The following BMPER variants were observed in gnomAD, a reference collection of about 807,000 sequenced individuals.
BMPER encodes BMP binding endothelial regulator.
A neutral mutation model predicts 87.3 loss-of-function variants in BMPER; 45 were observed. That is an observed-to-expected ratio of 0.52 (90% CI 0.41 to 0.66). The LOEUF is 0.66. Ranked by LOEUF, BMPER falls within the 30% of genes least tolerant of loss-of-function variation. The probability of loss-of-function intolerance (pLI) is 0.00; values close to 1 mark genes in which losing one functional copy is unlikely to be tolerated. For missense variants in BMPER, 784 were observed against 867.5 expected (o/e 0.90, Z 1.21); for synonymous variants, 326 against 316.2 (o/e 1.03, Z -0.33).
intron 13 of BMPER, among the ~76,000 whole-genome samples, chr7:34,111,804 C>G (rs986802918): frequency 6.6e-6 from 1 of 152,154 alleles, no homozygotes; most frequent in Non-Finnish European, 1.5e-5. Context: ...ACCTCTGCCC[C>G]CCAGGTTCAA....
intron 13 of BMPER, among the ~76,000 whole-genome samples, chr7:34,090,499 G>GC (rs1789350654): frequency 6.6e-6 from 1 of 152,142 alleles, no homozygotes; most frequent in Admixed American, 6.6e-5. Flanking sequence ...ATCCTTAGCA[G>GC]CCAGTATCAA....
At chr7:33,984,001 T>C (rs186196179) in intron 6 of BMPER, among the ~76,000 whole-genome samples, 5 of 152,282 alleles carry the variant, frequency 3.3e-5, no homozygotes, top group Non-Finnish European at 5.9e-5. Context: ...TTTGTCTCCA[T>C]AATGCCAGTG....
At chr7:33,987,462 G>A (rs1375860049) in intron 6 of BMPER, among the ~76,000 whole-genome samples, 2 of 152,178 alleles carry the variant, frequency 1.3e-5, no homozygotes, top group Non-Finnish European at 2.9e-5. Flanking sequence ...CCTACACTGA[G>A]TCATACGCAG....
intron 13 of BMPER, among the ~76,000 whole-genome samples, chr7:34,120,363 A>C (rs757687775): frequency 6.6e-6 from 1 of 151,846 alleles, no homozygotes; most frequent in Non-Finnish European, 1.5e-5. Flanking sequence ...AAAGCAAAAA[A>C]AAATACAATG....
chr7:34,123,887 TA>T (rs1236529823), intron 13 of BMPER, among the ~76,000 whole-genome samples: 1 of 152,232 alleles, frequency 6.6e-6, no homozygotes, highest in African/African-American at 2.4e-5. Flanking sequence ...GGGTTGAGAC[TA>T]TATCTTTTAA....
At chr7:34,130,186 GTCTCTCTCTCTCTC>G (rs10583920) in intron 13 of BMPER, among the ~76,000 whole-genome samples, 1 of 149,256 alleles carries the variant, frequency 6.7e-6, no homozygotes, top group Non-Finnish European at 1.5e-5. Context: ...TCTTGATTCT[GTCTCTCTCTCTCTC>G]TCTCTCTCTC....
chr7:34,143,446 G>A (rs1176707124), intron 14 of BMPER, 86 bp downstream of exon 14: 4 of 1,574,932 alleles, frequency 2.5e-6, no homozygotes, highest in African/African-American at 1.3e-5. Context: ...ATGCTGACAT[G>A]AGTGGCCACA....
At chr7:34,093,802 A>G (rs1205675358) in intron 13 of BMPER, among the ~76,000 whole-genome samples, 3 of 152,078 alleles carry the variant, frequency 2.0e-5, no homozygotes, top group African/African-American at 7.2e-5. Context: ...TAAAACACTA[A>G]TTATTTTGTA....
In BMPER at chr7:34,151,362, C is replaced by G. The variant is rs191786057; in HGVS notation, c.1877-1730C>G. On this transcript the variant is annotated intron_variant, in intron 14 of 14. Coordinates refer to ENST00000649409, the MANE Select transcript of BMPER (RefSeq NM_001365308.1). ...GTGAGGGACCACACAAAACTCCACC[C>G]TCAAGGAGCTTACATTTTAGTGTTG... 1.3e-4 allele frequency among the ~76,000 whole-genome samples: 20 copies of G among 152,300 alleles called. No individual in the cohort carries two copies. In the East Asian group the frequency reaches 3.3e-3, roughly 25 times the overall value.
chr7:33,936,871 G>A (rs1166207225), intron 2 of BMPER, among the ~76,000 whole-genome samples: 1 of 152,156 alleles, frequency 6.6e-6, no homozygotes, highest in African/African-American at 2.4e-5. Flanking sequence ...AAGGATTGTT[G>A]GACGGCCATG....
intron 14 of BMPER, among the ~76,000 whole-genome samples, chr7:34,149,366 A>C (rs1241781528): frequency 6.6e-6 from 1 of 152,222 alleles, no homozygotes; most frequent in Non-Finnish European, 1.5e-5. Context: ...TATAACGTTA[A>C]AAGTACTGTG....
intron 3 of BMPER, among the ~76,000 whole-genome samples, chr7:33,960,079 T>C (rs940693642): frequency 7.2e-5 from 11 of 152,222 alleles, no homozygotes; most frequent in Non-Finnish European, 1.6e-4. Context: ...AATTCCTAAT[T>C]GGAAGCGAAG....
intron 10 of BMPER, 149 bp downstream of exon 10, chr7:34,058,312 C>G (rs889233076): frequency 3.8e-5 from 29 of 768,668 alleles, no homozygotes; most frequent in Non-Finnish European, 6.1e-5. Context: ...GCAAAGTTTG[C>G]TCATTCTTCT....
rs1043633039 is a variant in BMPER, at chr7:34,015,221, C to T, written c.577-31085C>T. Among the ~76,000 whole-genome samples the T allele has an allele frequency of 2.0e-5, 3 of 151,886 alleles. No homozygotes were observed. In the East Asian group the frequency reaches 5.8e-4, roughly 30 times the overall value. On this transcript the variant is annotated intron_variant, in intron 6 of 14. Transcript: ENST00000649409. ...ACTACCTGGGTTTGAATTCAAATTCCATCCCTCTTTTCCTGTGTGACCTTG... is the reference window on the plus strand; with the variant it reads ...ACTACCTGGGTTTGAATTCAAATTCTATCCCTCTTTTCCTGTGTGACCTTG...
chr7:33,918,789 G>A (rs780011882), intron 2 of BMPER, among the ~76,000 whole-genome samples: 65 of 152,328 alleles, frequency 4.3e-4, no homozygotes, highest in East Asian at 1.9e-4. Context: ...TGCCCAGTGG[G>A]ACCCACCAGA....
In BMPER at chr7:33,905,883, T is replaced by TCCC. The variant is rs1158645846; in HGVS notation, c.133+137_133+138insCCC. 2.2e-5 allele frequency: 28 copies of TCCC among 1,249,816 alleles called. No individual in the cohort carries two copies. In the East Asian group the frequency reaches 6.6e-4, roughly 29 times the overall value. The allele number at this position is 1,249,816 out of a possible 1,614,324, so 77.4% of individuals were successfully genotyped here. A position where few individuals can be genotyped will look rare whatever the true frequency, so the allele number is the denominator to read the frequency against. ...CTTGCCCTGCGCTGGTCGATGGGGA[T>TCCC]GAAGCGAAGCCCCGGGAGGGCTGGG... On this transcript the variant is annotated intron_variant, in intron 1 of 14. Transcript: ENST00000649409.
chr7:34,028,842 C>G (rs1787449124), intron 6 of BMPER, among the ~76,000 whole-genome samples: 1 of 151,624 alleles, frequency 6.6e-6, no homozygotes, highest in Non-Finnish European at 1.5e-5. Context: ...ATCTGGCCAA[C>G]TCCTCCATGT....
chr7:33,965,605 T>C (rs149924092), intron 3 of BMPER, among the ~76,000 whole-genome samples: 90 of 152,362 alleles, frequency 5.9e-4, no homozygotes, highest in African/African-American at 1.9e-3. Flanking sequence ...ATCCAGACTA[T>C]GTATTGGTAA....
chr7:34,018,268 A>G (rs1787087666), intron 6 of BMPER, among the ~76,000 whole-genome samples: 1 of 151,850 alleles, frequency 6.6e-6, no homozygotes, highest in South Asian at 2.1e-4. Context: ...ATAAGGAAAC[A>G]TTTTCTCTCT....
Sources: gnomAD v4.1 joint callset for allele counts (sites outside exome capture counted in the v4.1 genomes callset) on GRCh38, gnomAD v4.1.1 for gene constraint, MANE v1.5 for transcripts, NCBI Gene and HGNC (gene_info 2026-07-23, HGNC 2026-07-21) for gene names.